WFDC9: variants seen among roughly 807,000 people sequenced by gnomAD.
WFDC9 encodes the protein protein WFDC9.
A neutral mutation model predicts 9.5 loss-of-function variants in WFDC9; 9 were observed. The ratio of observed to expected loss-of-function variants is 0.95; its 90% CI spans 0.57 to 1.65. The LOEUF is 1.65. Among genes scored for constraint, WFDC9 ranks in the 40% most tolerant of loss-of-function variants. The pLI, the probability that WFDC9 is intolerant of heterozygous loss-of-function variation, is 0.00. For missense variants in WFDC9, 87 were observed against 106.7 expected (o/e 0.82, Z 0.81); for synonymous variants, 33 against 32.3 (o/e 1.02, Z -0.07).
intron 1 of WFDC9, among the ~76,000 whole-genome samples, chr20:45,621,848 C>A (rs6104249): frequency 1.3e-5 from 2 of 152,058 alleles, no homozygotes; most frequent in African/African-American, 4.8e-5. Flanking sequence ...CACCTTTTCC[C>A]TTTGTTGACT....
chr20:45,613,928 G>A (rs1981916363), intron 2 of WFDC9, among the ~76,000 whole-genome samples: 1 of 152,142 alleles, frequency 6.6e-6, no homozygotes, highest in African/African-American at 2.4e-5. Context: ...GATTGCAGTA[G>A]GCCTCTGGAT....
chr20:45,619,519 A>G (rs904710246), intron 1 of WFDC9, among the ~76,000 whole-genome samples: 1 of 152,222 alleles, frequency 6.6e-6, no homozygotes, highest in Non-Finnish European at 1.5e-5. Flanking sequence ...AAGAAATACT[A>G]GAGAAAAGCT....
At chr20:45,626,074 G>A (rs547813099) in intron 1 of WFDC9, among the ~76,000 whole-genome samples, 3 of 151,926 alleles carry the variant, frequency 2.0e-5, no homozygotes, top group African/African-American at 7.2e-5. Context: ...CACCTGCCTC[G>A]GTCTCCCAAA....
Position 45,608,653 on chromosome 20 carries a change from A to G in WFDC9, c.239+10T>C, listed in dbSNP as rs762773113. The G allele has an allele frequency of 1.9e-6, 3 of 1,609,284 alleles. No homozygotes were observed. The highest frequency in any genetic ancestry group is 2.2e-5 in the South Asian group (2 of 89,890). ...CCCAGGCCCTAGCCTTCCCACCCCA[A>G]CCAACTCACTCGTTGTCTAAGCAGA... is the stretch of plus-strand genomic sequence containing the variant. On this transcript the variant is annotated intron_variant, in intron 4 of 4. Transcript: ENST00000326000.
intron 1 of WFDC9, chr20:45,629,853 G>A (rs1982312899): frequency 6.2e-7 from 1 of 1,614,082 alleles, no homozygotes; most frequent in Non-Finnish European, 8.5e-7. Flanking sequence ...GGTTCTCTGT[G>A]TGCTGCTGCT....
chr20:45,610,958 A>G (rs1428378242), intron 2 of WFDC9, among the ~76,000 whole-genome samples: 1 of 152,246 alleles, frequency 6.6e-6, no homozygotes, highest in Non-Finnish European at 1.5e-5. Context: ...CTATGGGAAC[A>G]CAGTAGACTT....
chr20:45,626,951 G>A (rs1982231915), intron 1 of WFDC9, among the ~76,000 whole-genome samples: 1 of 152,002 alleles, frequency 6.6e-6, no homozygotes, highest in Non-Finnish European at 1.5e-5. Flanking sequence ...GTTAGCTGTG[G>A]GTTTGTCATA....
chr20:45,626,766 T>C (rs368017425), intron 1 of WFDC9, among the ~76,000 whole-genome samples: 113 of 152,318 alleles, frequency 7.4e-4, no homozygotes, highest in African/African-American at 2.7e-3. Flanking sequence ...TGATGTCCTT[T>C]ATTGTTTTCT....
At chr20:45,610,573 T>C (rs1568651456) in intron 2 of WFDC9, among the ~76,000 whole-genome samples, 1 of 152,232 alleles carries the variant, frequency 6.6e-6, no homozygotes, top group Non-Finnish European at 1.5e-5. Context: ...TATACTTTTA[T>C]GTTGTAGTCA....
At chr20:45,611,409 A>G (rs1981857506) in intron 2 of WFDC9, among the ~76,000 whole-genome samples, 1 of 152,154 alleles carries the variant, frequency 6.6e-6, no homozygotes, top group South Asian at 2.1e-4. Context: ...GGGCCTGCAC[A>G]TTTTACTTAT....
chr20:45,627,971 T>C (rs1982259032), intron 1 of WFDC9, among the ~76,000 whole-genome samples: 1 of 152,204 alleles, frequency 6.6e-6, no homozygotes, highest in Non-Finnish European at 1.5e-5. Flanking sequence ...TTCTGTATAT[T>C]TTAATTAAGT....
chr20:45,608,281 C>G (rs1981772905), intron 4 of WFDC9, 141 bp from the exon 5 acceptor site: 1 of 1,030,112 alleles, frequency 9.7e-7, no homozygotes, highest in Non-Finnish European at 1.4e-6. Context: ...GCAATTTCCC[C>G]CAAGAAGTTT....
At chr20:45,624,155 G>A (rs971957081) in intron 1 of WFDC9, among the ~76,000 whole-genome samples, 7 of 152,060 alleles carry the variant, frequency 4.6e-5, no homozygotes, top group African/African-American at 1.4e-4. Flanking sequence ...TCGTCCCACC[G>A]CACTCCAGCC....
Position 45,611,188 on chromosome 20 carries a change from C to G in WFDC9, c.-58-949G>C, listed in dbSNP as rs187486169. Among the ~76,000 whole-genome samples the G allele has an allele frequency of 2.4e-4, 36 of 152,296 alleles. 1 individual carries two copies. The East Asian group carries it at 6.9e-3, about 29-fold the overall frequency. ...CTATTACACAAGAACTTTCCTACTACTCTTATTGGTCCGTCCTCCCTCTAC... is the reference window on the plus strand; with the variant it reads ...CTATTACACAAGAACTTTCCTACTAGTCTTATTGGTCCGTCCTCCCTCTAC... On this transcript the variant is annotated intron_variant, in intron 2 of 4. Coordinates refer to ENST00000326000, the MANE Select transcript of WFDC9 (RefSeq NM_147198.4).
At chr20:45,615,727 A>G (rs1387747293) in intron 1 of WFDC9, among the ~76,000 whole-genome samples, 2 of 152,146 alleles carry the variant, frequency 1.3e-5, no homozygotes, top group African/African-American at 2.4e-5. Context: ...ATGTTTCAGT[A>G]TACAACTGTA....
intron 4 of WFDC9, among the ~76,000 whole-genome samples, 189 bp from the exon 5 acceptor site, chr20:45,608,329 G>C (rs554531283): frequency 6.6e-6 from 1 of 152,250 alleles, no homozygotes; most frequent in Non-Finnish European, 1.5e-5. Context: ...GGTCTCCTTG[G>C]GCCTGGCTGA....
At chr20:45,613,707 C>T (rs1981910925) in intron 2 of WFDC9, among the ~76,000 whole-genome samples, 1 of 152,156 alleles carries the variant, frequency 6.6e-6, no homozygotes. Context: ...TTCTCTTCTC[C>T]TTTCGTTTCT....
At chr20:45,618,247 G>T (rs1012598536) in intron 1 of WFDC9, among the ~76,000 whole-genome samples, 1 of 152,206 alleles carries the variant, frequency 6.6e-6, no homozygotes, top group African/African-American at 2.4e-5. Context: ...TTCTCTGGAT[G>T]AGGTTTTGGC....
chr20:45,630,223 G>T (rs1982324986), intron 1 of WFDC9, among the ~76,000 whole-genome samples: 1 of 135,894 alleles, frequency 7.4e-6, no homozygotes, highest in Non-Finnish European at 1.6e-5. Flanking sequence ...ATTATTATTT[G>T]ATTTATGCAC....
Sources: gnomAD v4.1 joint callset for allele counts (sites outside exome capture counted in the v4.1 genomes callset) on GRCh38, gnomAD v4.1.1 for gene constraint, MANE v1.5 for transcripts, NCBI Gene and HGNC (gene_info 2026-07-23, HGNC 2026-07-21) for gene names.